PPIP5K2: variants seen among roughly 807,000 people sequenced by gnomAD.
PPIP5K2 encodes inositol hexakisphosphate and diphosphoinositol-pentakisphosphate kinase 2.
PPIP5K2 carries 105 observed loss-of-function variants against 154.6 expected under a neutral mutation model. The observed-to-expected ratio is 0.68, with a 90% CI of 0.58 to 0.80. The LOEUF (loss-of-function observed/expected upper bound fraction) is 0.80. PPIP5K2 is among the 30% of genes least tolerant of loss of function. PPIP5K2 has a pLI of 0.00. For synonymous variants in PPIP5K2, 480 were observed against 490.3 expected (o/e 0.98, Z 0.28); for missense variants, 992 against 1,504.6 (o/e 0.66, Z 5.64).
chr5:103,136,628 TAATGA>T (rs1791548808), intron 3 of PPIP5K2, 99 bp from the exon 4 acceptor site: 3 of 827,626 alleles, frequency 3.6e-6, no homozygotes, highest in African/African-American at 3.3e-5. Flanking sequence ...TGTTATGTGT[TAATGA>T]AATGAATCTT....
intron 25 of PPIP5K2, 125 bp downstream of exon 25, chr5:103,183,532 G>A (rs1322304209): frequency 1.2e-6 from 1 of 819,058 alleles, no homozygotes; most frequent in African/African-American, 1.8e-5. Context: ...TTTTAATTTT[G>A]AGTTCATTTA....
At chr5:103,152,587 T>C in intron 9 of PPIP5K2, 61 bp from the exon 10 acceptor site, 1 of 995,136 alleles carries the variant, frequency 1.0e-6, no homozygotes, top group Non-Finnish European at 1.6e-6. Context: ...TCATCCTCAT[T>C]AAGTACCCAG....
intron 5 of PPIP5K2, among the ~76,000 whole-genome samples, chr5:103,138,672 CCTT>C (rs1431066976): frequency 3.9e-5 from 6 of 152,174 alleles, no homozygotes; most frequent in African/African-American, 1.4e-4. Flanking sequence ...AATTATTTAT[CCTT>C]CTCTTCTTTG....
chr5:103,182,772 C>T (rs1554223371), intron 24 of PPIP5K2, among the ~76,000 whole-genome samples: 1 of 151,874 alleles, frequency 6.6e-6, no homozygotes, highest in Non-Finnish European at 1.5e-5. Context: ...TATTGAAATC[C>T]CTTTGACCCT....
chr5:103,155,788 T>C lies in PPIP5K2; in HGVS notation c.1404-121T>C, dbSNP rs1163808052. ...GTTAGAATGATTATATATGGTACAA[T>C]TTTTTTTTGATAGAATATTTCGAAG... On this transcript the variant is annotated intron_variant, in intron 13 of 30. Transcript: ENST00000358359. The C allele has an allele frequency of 6.1e-6, 4 of 657,032 alleles. No homozygotes were observed. In the African/African-American group the frequency reaches 7.5e-5, roughly 12 times the overall value. The allele number at this position is 657,032 out of a possible 1,614,324, so 40.7% of individuals were successfully genotyped here.
intron 1 of PPIP5K2, among the ~76,000 whole-genome samples, chr5:103,123,749 C>T (rs941477932): frequency 4.6e-5 from 7 of 152,096 alleles, no homozygotes; most frequent in Non-Finnish European, 7.4e-5. Context: ...ATTTTGGGAC[C>T]ACTGCTATAG....
chr5:103,133,590 G>T lies in PPIP5K2; in HGVS notation c.252G>T (p.Leu84Phe). ...TVVVFEEEVI[L>F]NEPVENWPLC... is the part of the protein sequence containing the mutation. ...TAGTATTTGAAGAGGAGGTTATTTT[G>T]AATGAACCAGTGGAAAACTGGCCTT... The change falls in exon 3 of 31, where the codon TTG becomes TTT. Residue 84 changes from leucine (L) to phenylalanine (F), a missense_variant. Leu to Phe is a conservative substitution (Grantham distance 22). Coordinates refer to ENST00000358359, the MANE Select transcript of PPIP5K2 (RefSeq NM_001276277.3). 1.9e-6 allele frequency: 3 copies of T among 1,612,144 alleles called. No homozygotes were observed. Among genetic ancestry groups the T allele is most frequent in the Non-Finnish European group, 2.5e-6 (3 of 1,179,258 alleles).
At chr5:103,138,276 C>A in intron 4 of PPIP5K2, 108 bp from the exon 5 acceptor site, 5 of 522,318 alleles carry the variant, frequency 9.6e-6, no homozygotes, top group Non-Finnish European at 1.6e-5. Flanking sequence ...GAGATATATA[C>A]CCTTTTTAGT....
In PPIP5K2 at chr5:103,149,134, A is replaced by G; in HGVS notation, c.745-18A>G. On this transcript the variant is annotated intron_variant, in intron 7 of 30. Transcript: ENST00000358359. ...CATACATATATATATTTATACATTT[A>G]TTAAACATTTGTGAAAGGTTTATAC... 6.3e-7 allele frequency: 1 copy of G among 1,578,852 alleles called. No homozygotes were observed. Among genetic ancestry groups the G allele is most frequent in the African/African-American group, 1.4e-5 (1 of 73,028 alleles).
chr5:103,197,560 A>G (rs868959602), intron 30 of PPIP5K2, among the ~76,000 whole-genome samples: 7 of 147,612 alleles, frequency 4.7e-5, no homozygotes, highest in African/African-American at 1.8e-4. Flanking sequence ...TTTTATGTTT[A>G]AAACACAAAT....
intron 24 of PPIP5K2, among the ~76,000 whole-genome samples, chr5:103,182,428 A>C (rs1799689041): frequency 6.6e-6 from 1 of 152,220 alleles, no homozygotes; most frequent in African/African-American, 2.4e-5. Flanking sequence ...CATAAGGTAA[A>C]TTATTCAAGT....
chr5:103,130,140 A>G (rs1790378190), intron 2 of PPIP5K2, among the ~76,000 whole-genome samples: 1 of 152,214 alleles, frequency 6.6e-6, no homozygotes, highest in South Asian at 2.1e-4. Context: ...GAAGATACTC[A>G]TATTTATTAA....
chr5:103,184,719 G>A lies in PPIP5K2; in HGVS notation c.3144G>A (p.Val1048=). Residue 1048 remains valine, a synonymous_variant, in exon 26 of 31, where the codon GTG becomes GTA. Transcript: ENST00000358359. ...ANYLRTPRTL[V]EQKQNPTVGS... ...ACCTGAGAACACCAAGAACTCTTGT[G>A]GAACAGAAGCAGAATCCTACTGTAG... 1.9e-6 allele frequency: 3 copies of A among 1,612,664 alleles called. No individual in the cohort carries two copies. Among genetic ancestry groups the A allele is most frequent in the Non-Finnish European group, 2.5e-6 (3 of 1,178,940 alleles).
At position 103,157,368 on chromosome 5, in the gene PPIP5K2, C is replaced by CT. The variant is rs1217458578; in HGVS notation, c.1490-816dup. On this transcript the variant is annotated intron_variant, in intron 14 of 30. Transcript: ENST00000358359. ...AATTTAAAAAGCTGCTCTTGAATACCTTTTGTTTGCGTAAAATTTATTAGA... is the reference window on the plus strand; with the variant it reads ...AATTTAAAAAGCTGCTCTTGAATACCTTTTTGTTTGCGTAAAATTTATTAGA... Among the ~76,000 whole-genome samples, 3 of 152,076 alleles carry CT rather than the reference C, an allele frequency of 2.0e-5. No homozygotes were observed. In the East Asian group the frequency reaches 5.8e-4, roughly 29 times the overall value.
intron 29 of PPIP5K2, among the ~76,000 whole-genome samples, chr5:103,193,281 A>C (rs1801543902): frequency 6.6e-6 from 1 of 152,066 alleles, no homozygotes; most frequent in Non-Finnish European, 1.5e-5. Flanking sequence ...AACTGTAGGA[A>C]TACTATTTAT....
chr5:103,126,320 G>A (rs782244958), intron 1 of PPIP5K2, among the ~76,000 whole-genome samples: 1 of 151,992 alleles, frequency 6.6e-6, no homozygotes, highest in Non-Finnish European at 1.5e-5. Context: ...GACTTAAACA[G>A]AACTTGAATA....
chr5:103,178,658 C>G (rs1554221761), intron 23 of PPIP5K2, among the ~76,000 whole-genome samples: 1 of 151,584 alleles, frequency 6.6e-6, no homozygotes, highest in African/African-American at 2.4e-5. Context: ...CACTACTCTG[C>G]AGATCAATTT....
Position 103,155,950 on chromosome 5 carries a change from C to T in PPIP5K2, c.1445C>T (p.Thr482Ile), listed in dbSNP as rs782326192. 1 of 1,604,444 alleles carries T rather than the reference C, an allele frequency of 6.2e-7. No homozygotes were observed. The highest frequency in any genetic ancestry group is 1.7e-5 in the Admixed American group (1 of 60,002). The change falls in exon 14 of 31, where the codon ACC becomes ATC. Residue 482 changes from threonine to isoleucine, a missense_variant. Around this residue, in one of 9 missense-constraint regions of PPIP5K2, gnomAD observed 163 missense variants for 285.2 expected, o/e 0.57. Transcript: ENST00000358359. ...GGAATAAATCGTAAGGTTCAGTTGA[C>T]CTATCTCCCTCATGGTTGTCCTAAA... ...FSGINRKVQL[T>I]YLPHGCPKTS...
Position 103,139,256 on chromosome 5 carries a change from A to T in PPIP5K2, c.487+787A>T, listed in dbSNP as rs541864065. ...TGGGGAATTTTGATGAATTTATCAT[A>T]CCTTAAACCATCTTTTATTAAAAAC... is the stretch of plus-strand genomic sequence containing the variant. On this transcript the variant is annotated intron_variant, in intron 5 of 30. Transcript: ENST00000358359. Among the ~76,000 whole-genome samples, 3 of 152,302 alleles carry T rather than the reference A, an allele frequency of 2.0e-5. No homozygotes were observed. In the South Asian group the frequency reaches 6.2e-4, roughly 32 times the overall value.
Sources: gnomAD v4.1 joint callset for allele counts (sites outside exome capture counted in the v4.1 genomes callset) on GRCh38, gnomAD v4.1.1 for gene constraint, gnomAD v4.1.1 regional missense constraint, MANE v1.5 for transcripts, NCBI Gene and HGNC (gene_info 2026-07-23, HGNC 2026-07-21) for gene names.